TLCD4: variants seen among roughly 807,000 people sequenced by gnomAD.
TLCD4 encodes the protein TLC domain containing 4.
In TLCD4, 7 loss-of-function variants were observed where a neutral mutation model predicts 24.2. The ratio of observed to expected loss-of-function variants is 0.29; its 90% CI spans 0.16 to 0.54. The LOEUF (loss-of-function observed/expected upper bound fraction) is 0.54. TLCD4 is among the 20% of genes least tolerant of loss of function. The pLI, the probability that TLCD4 is intolerant of heterozygous loss-of-function variation, is 0.95. For synonymous variants in TLCD4, 103 were observed against 106.4 expected, an observed-to-expected ratio of 0.97 and a Z score of 0.20; for missense variants, 259 against 313.9, an observed-to-expected ratio of 0.82 and a Z score of 1.32.
At chr1:95,156,740 G>A (rs1677643335) in intron 5 of TLCD4, among the ~76,000 whole-genome samples, 1 of 152,096 alleles carries the variant, frequency 6.6e-6, no homozygotes, top group South Asian at 2.1e-4. Context: ...TTCAGAGAAG[G>A]AAGGGAAAGA....
At chr1:95,101,550 A>AT in the TLCD4 span, among the ~76,000 whole-genome samples, 3,949 of 151,896 alleles carry the variant, frequency 0.026, 63 homozygotes, top group Non-Finnish European at 0.04. Context: ...TGGGAGCCAC[A>AT]TTGCCCAGCC....
chr1:95,117,103 G>C (rs1676445412), upstream of TLCD4, among the ~76,000 whole-genome samples: 1 of 152,208 alleles, frequency 6.6e-6, no homozygotes, highest in Non-Finnish European at 1.5e-5. Flanking sequence ...GGCTCACACA[G>C]TTCCCCCGCT....
rs1571801149 is a variant in TLCD4, at chr1:95,196,458, A to C, written c.*4590A>C. ...CCAAAGTACAACATCCAAGGCTTGA[A>C]CCTTACCCGTTTCTAGGCCAGACTA... On this transcript the variant is annotated 3_prime_UTR_variant, in exon 7 of 7. Transcript: ENST00000370203. 6.6e-6 allele frequency: 1 copy of C among 152,286 alleles called. No homozygotes were observed. Among genetic ancestry groups the C allele is most frequent in the Middle Eastern group, 3.4e-3 (1 of 294 alleles). 9.4% of individuals were successfully genotyped at this position (152,286 alleles called of 1,614,324 possible). A position where few individuals can be genotyped will look rare whatever the true frequency, so the allele number is the denominator to read the frequency against.
intron 1 of TLCD4, among the ~76,000 whole-genome samples, chr1:95,142,700 C>T (rs1430158802): frequency 6.6e-6 from 1 of 152,024 alleles, no homozygotes; most frequent in Non-Finnish European, 1.5e-5. Flanking sequence ...GCCTGTAATC[C>T]CAGCACTTTA....
chr1:95,119,885 A>G (rs540137138), intron 1 of TLCD4, among the ~76,000 whole-genome samples: 1 of 150,958 alleles, frequency 6.6e-6, no homozygotes, highest in South Asian at 2.1e-4. Flanking sequence ...TCAAACTGGG[A>G]TACTCAGTTT....
intron 1 of TLCD4, among the ~76,000 whole-genome samples, chr1:95,126,103 A>G (rs1676726174): frequency 6.7e-6 from 1 of 150,250 alleles, no homozygotes; most frequent in Non-Finnish European, 1.5e-5. Context: ...ACCAGCCTGG[A>G]CAACATAGCG....
intron 5 of TLCD4, among the ~76,000 whole-genome samples, chr1:95,162,520 A>C (rs1677848100): frequency 6.6e-6 from 1 of 152,078 alleles, no homozygotes; most frequent in Non-Finnish European, 1.5e-5. Flanking sequence ...TAATATTGTT[A>C]TGTGTGAATT....
At chr1:95,165,465 G>GGTTT (rs776903610) in intron 5 of TLCD4, among the ~76,000 whole-genome samples, 1 of 52,670 alleles carries the variant, frequency 1.9e-5, no homozygotes. Flanking sequence ...GTGTGTGTGT[G>GGTTT]TGTTTTTTTT....
chr1:95,189,196 A>G (rs1678939749), intron 6 of TLCD4, among the ~76,000 whole-genome samples: 1 of 152,128 alleles, frequency 6.6e-6, no homozygotes, highest in Non-Finnish European at 1.5e-5. Context: ...ATGGTTTCAG[A>G]ATTGTTAATT....
intron 5 of TLCD4, chr1:95,164,665 T>G (rs1264308228): frequency 6.6e-6 from 1 of 152,116 alleles, no homozygotes; most frequent in Non-Finnish European, 1.5e-5. Flanking sequence ...ATGAAGATAT[T>G]AGTGCCCCAA....
intron 5 of TLCD4, among the ~76,000 whole-genome samples, chr1:95,153,760 T>C (rs1261961445): frequency 2.0e-5 from 3 of 152,070 alleles, no homozygotes; most frequent in Admixed American, 1.3e-4. Context: ...TATTGTCTTA[T>C]AACAAACAAT....
At chr1:95,125,771 C>T (rs768841797) in intron 1 of TLCD4, among the ~76,000 whole-genome samples, 41 of 152,210 alleles carry the variant, frequency 2.7e-4, no homozygotes, top group Non-Finnish European at 5.6e-4. Flanking sequence ...GAAATGATCA[C>T]ATTCCTTCAA....
chr1:95,135,323 G>C (rs1243608725), intron 1 of TLCD4, among the ~76,000 whole-genome samples: 1 of 151,582 alleles, frequency 6.6e-6, no homozygotes, highest in Non-Finnish European at 1.5e-5. Context: ...CTAGAGGGTG[G>C]TTAAGTTAAA....
chr1:95,122,004 T>C (rs973540666), intron 1 of TLCD4, among the ~76,000 whole-genome samples: 9 of 152,212 alleles, frequency 5.9e-5, no homozygotes, highest in African/African-American at 2.2e-4. Context: ...TTTGATTTCC[T>C]TTTCATGACT....
rs182935805 is a variant in TLCD4 at position 95,196,895 on chromosome 1, T to G, written c.*5027T>G. 2 of 152,114 alleles carry G rather than the reference T, an allele frequency of 1.3e-5. No homozygotes were observed. The highest frequency in any genetic ancestry group is 4.1e-4 in the South Asian group (2 of 4,830). The allele number at this position is 152,114 out of a possible 1,614,324, so 9.4% of individuals were successfully genotyped here. Reference sequence around the variant, plus strand: ...TGGTATGACTATGTCTACTTTTTATTTAAGGAATTTTGTGTAGATAATACT... The same window carrying G: ...TGGTATGACTATGTCTACTTTTTATGTAAGGAATTTTGTGTAGATAATACT... On this transcript the variant is annotated 3_prime_UTR_variant, in exon 7 of 7. Transcript: ENST00000370203.
intron 1 of TLCD4, among the ~76,000 whole-genome samples, chr1:95,139,595 A>G (rs1479433434): frequency 6.6e-6 from 1 of 151,252 alleles, no homozygotes; most frequent in Non-Finnish European, 1.5e-5. Flanking sequence ...AGTTGGTGAG[A>G]CTACAGGCAT....
chr1:95,132,093 G>A (rs753068127), intron 1 of TLCD4, among the ~76,000 whole-genome samples: 5 of 152,156 alleles, frequency 3.3e-5, no homozygotes, highest in Non-Finnish European at 7.3e-5. Context: ...CTAGAAGCCA[G>A]GGCCATGCCC....
chr1:95,136,468 G>T (rs1677043801), intron 1 of TLCD4, among the ~76,000 whole-genome samples: 1 of 152,162 alleles, frequency 6.6e-6, no homozygotes, highest in African/African-American at 2.4e-5. Context: ...TGTATTAGCT[G>T]TCTTTCCCAC....
chr1:95,173,855 C>G lies in TLCD4; in HGVS notation c.439C>G (p.Leu147Val). 1.9e-6 allele frequency: 3 copies of G among 1,614,128 alleles called. No homozygotes were observed. The highest frequency in any genetic ancestry group is 2.5e-6 in the Non-Finnish European group (3 of 1,180,010). The change falls in exon 6 of 7, where the codon CTT becomes GTT. Residue 147 changes from leucine (L) to valine (V), a missense_variant. Transcript: ENST00000370203. The part of the protein sequence containing the change: ...VLAYIGNFRL[L>V]AELSSPFVNQ... ...GGCATACATTGGGAATTTTCGCCTG[C>G]TTGCAGAGCTTTCCAGCCCGTTTGT...
Sources: allele counts gnomAD v4.1 joint callset (sites outside exome capture counted in the v4.1 genomes callset), GRCh38; gene constraint gnomAD v4.1.1; transcripts MANE v1.5; gene names NCBI Gene and HGNC (gene_info 2026-07-23, HGNC 2026-07-21).